The following FER1L5 variants were observed in gnomAD, a reference collection of about 807,000 sequenced individuals.
FER1L5 encodes the protein fer-1-like protein 5.
A neutral mutation model predicts 279.9 loss-of-function variants in FER1L5; 187 were observed. The observed-to-expected ratio is 0.67, with a 90% CI of 0.59 to 0.75. FER1L5 has a LOEUF of 0.75. Among genes scored for constraint, FER1L5 ranks in the 30% least tolerant of loss-of-function variants. The pLI, the probability that FER1L5 is intolerant of heterozygous loss-of-function variation, is 0.00. For synonymous variants in FER1L5, 921 were observed against 989.7 expected, an observed-to-expected ratio of 0.93 and a Z score of 1.30; for missense variants, 2,091 against 2,594.4, an observed-to-expected ratio of 0.81 and a Z score of 4.21.
intron 45 of FER1L5, 42 bp downstream of exon 45, chr2:96,700,513 G>C (rs764949094): frequency 4.4e-6 from 7 of 1,608,758 alleles, no homozygotes; most frequent in Non-Finnish European, 5.9e-6. Context: ...TACAGGAGGA[G>C]CTAGATCAGG....
rs1224558536 is a variant in FER1L5, at chr2:96,687,842, T to C, written c.2256T>C (p.Asp752=). 5 of 1,551,202 alleles carry C rather than the reference T, an allele frequency of 3.2e-6. No homozygotes were observed. The highest frequency in any genetic ancestry group is 4.4e-6 in the Non-Finnish European group (5 of 1,146,950). The change falls in exon 24 of 53, where the codon GAT becomes GAC. Residue 752 remains aspartate (D), a synonymous_variant. Coordinates refer to ENST00000624922, the MANE Select transcript of FER1L5 (RefSeq NM_001293083.2). Reference sequence around the variant, plus strand: ...ACCCAGAGGGTGAAGGACAGAAGGATGTGCTCCCAGCTCACCTCCGGGTCT... The same window carrying C: ...ACCCAGAGGGTGAAGGACAGAAGGACGTGCTCCCAGCTCACCTCCGGGTCT... The part of the protein sequence containing the change: ...LQYPEGEGQK[D]VLPAHLRVCM...
intron 9 of FER1L5, among the ~76,000 whole-genome samples, chr2:96,658,163 C>A (rs2075674248): frequency 6.6e-6 from 1 of 151,528 alleles, no homozygotes; most frequent in Non-Finnish European, 1.5e-5. Flanking sequence ...ATTACAGGCA[C>A]CTGCTACTAC....
intron 19 of FER1L5, among the ~76,000 whole-genome samples, chr2:96,679,957 A>G (rs2076657406): frequency 6.6e-6 from 1 of 151,976 alleles, no homozygotes; most frequent in Non-Finnish European, 1.5e-5. Flanking sequence ...ACATTGCCTC[A>G]TAAGCTCCTG....
chr2:96,661,809 G>A lies in FER1L5; in HGVS notation c.1018+18G>A. On this transcript the variant is annotated intron_variant, in intron 12 of 52. Coordinates refer to ENST00000624922, the MANE Select transcript of FER1L5 (RefSeq NM_001293083.2). Reference sequence around the variant, plus strand: ...TCACCTCAGTTAGAGTCTGGGTGCAGGGGAGGGAGCAGCCCTGAGATTCCC... The same window carrying A: ...TCACCTCAGTTAGAGTCTGGGTGCAAGGGAGGGAGCAGCCCTGAGATTCCC... 1 of 1,551,276 alleles carries A rather than the reference G, an allele frequency of 6.4e-7. No individual in the cohort carries two copies. Among genetic ancestry groups the A allele is most frequent in the Non-Finnish European group, 8.7e-7 (1 of 1,146,894 alleles).
chr2:96,703,186 T>G lies in FER1L5; in HGVS notation c.5531T>G (p.Leu1844Arg), dbSNP rs2077655154. The G allele has an allele frequency of 6.2e-7, 1 of 1,613,234 alleles. No individual in the cohort carries two copies. Among genetic ancestry groups the G allele is most frequent in the Admixed American group, 1.7e-5 (1 of 59,954 alleles). ...GAGCTGGATTTGTCTGACATGCCCC[T>G]CCCGGCTCGGCACGCCAAGCAGTGC... Reference protein sequence around the residue: ...VLELDLSDMPLPARHAKQCSI... With the variant: ...VLELDLSDMPRPARHAKQCSI... The change falls in exon 50 of 53, where the codon CTC (leucine) becomes CGC (arginine). Residue 1844 changes from leucine (L) to arginine (R), a missense_variant. Transcript: ENST00000624922.
intron 14 of FER1L5, 133 bp from the exon 15 acceptor site, chr2:96,668,615 TATG>T: frequency 6.0e-6 from 6 of 998,796 alleles, no homozygotes; most frequent in Non-Finnish European, 9.1e-6. Flanking sequence ...CCAGCTTTTC[TATG>T]ATGAAGTGGC....
chr2:96,661,281 A>G (rs2075944424), intron 10 of FER1L5, 44 bp from the exon 11 acceptor site: 4 of 1,362,612 alleles, frequency 2.9e-6, no homozygotes, highest in Non-Finnish European at 4.0e-6. Context: ...GGGAGAAGGA[A>G]GGAGGCTGCA....
Position 96,702,485 on chromosome 2 carries a change from G to A in FER1L5, c.5255+84G>A. The A allele has an allele frequency of 6.4e-7, 1 of 1,552,908 alleles. No homozygotes were observed. Among genetic ancestry groups the A allele is most frequent in the East Asian group, 2.4e-5 (1 of 41,182 alleles). On this transcript the variant is annotated intron_variant, in intron 47 of 52. Transcript: ENST00000624922. This position sits in a 1 kb window ranked among gnomAD's most constrained non-coding sequence, Gnocchi z 4.0. ...GCTGGCACGGCCCAGTCCTGAATGG[G>A]ACACCTCTCCATCCAGCTCTGCCTG...
Position 96,661,315 on chromosome 2 carries a change from G to A in FER1L5, c.779-10G>A. The A allele has an allele frequency of 6.6e-7, 1 of 1,517,972 alleles. No homozygotes were observed. The highest frequency in any genetic ancestry group is 8.9e-7 in the Non-Finnish European group (1 of 1,129,274). The allele number at this position is 1,517,972 out of a possible 1,614,324, so 94.0% of individuals were successfully genotyped here. ...CAGGCAGATCTCCCATGGCCTTTCT[G>A]CCTCTCTAGGTCACACACTCCTAAG... On this transcript the variant is annotated splice_polypyrimidine_tract_variant and intron_variant, in intron 10 of 52. Coordinates refer to ENST00000624922, the MANE Select transcript of FER1L5 (RefSeq NM_001293083.2).
At position 96,669,116 on chromosome 2, in the gene FER1L5, C is replaced by A. The variant is rs909464423; in HGVS notation, c.1341C>A (p.Phe447Leu). The part of the protein sequence containing the change: ...LTLHGGKKAP[F>L]RIQEEGACIP... ...TGCATGGGGGTAAAAAGGCCCCTTT[C>A]AGGATCCAGGAAGAAGGCGCTGTAA... The change falls in exon 17 of 53, where the codon TTC (phenylalanine) becomes TTA (leucine). Residue 447 changes from phenylalanine (F) to leucine (L), a missense_variant. Phe to Leu is a conservative substitution (Grantham distance 22, BLOSUM62 0). Transcript: ENST00000624922. 54 of 1,551,596 alleles carry A rather than the reference C, an allele frequency of 3.5e-5. No homozygotes were observed. The highest frequency in any genetic ancestry group is 4.4e-5 in the Non-Finnish European group (50 of 1,147,004).
At chr2:96,680,391 C>T (rs556271605) in intron 19 of FER1L5, among the ~76,000 whole-genome samples, 3 of 152,038 alleles carry the variant, frequency 2.0e-5, no homozygotes, top group Admixed American at 2.0e-4. Flanking sequence ...TTACCTCTTC[C>T]CCACTGTATC....
Position 96,698,434 on chromosome 2 carries a change from G to C in FER1L5, c.4357-237G>C, listed in dbSNP as rs143253130. ...AGATGGGGTGGAATGAGTCCACAGCGGCACAGACGGGGAACTCACCTACTG... is the reference window on the plus strand; with the variant it reads ...AGATGGGGTGGAATGAGTCCACAGCCGCACAGACGGGGAACTCACCTACTG... On this transcript the variant is annotated intron_variant, in intron 40 of 52. Coordinates refer to ENST00000624922, the MANE Select transcript of FER1L5 (RefSeq NM_001293083.2). This position sits in a 1 kb window ranked among gnomAD's most constrained non-coding sequence, Gnocchi z 5.5. 6.6e-6 allele frequency among the ~76,000 whole-genome samples: 1 copy of C among 152,054 alleles called. No individual in the cohort carries two copies. The highest frequency in any genetic ancestry group is 1.5e-5 in the Non-Finnish European group (1 of 68,004).
At chr2:96,681,844 C>T (rs368775238) in intron 19 of FER1L5, among the ~76,000 whole-genome samples, 8 of 152,034 alleles carry the variant, frequency 5.3e-5, no homozygotes, top group African/African-American at 1.9e-4. Context: ...GGCTGGAGTG[C>T]AGTGGCGTTA....
chr2:96,654,898 CA>C (rs761973265), intron 9 of FER1L5: 161 of 53,184 alleles, frequency 3.0e-3, no homozygotes, highest in Admixed American at 4.8e-3. Context: ...GACTCCATCT[CA>C]AAAAAAAAAA....
At chr2:96,682,774 T>C (rs758748917) in intron 19 of FER1L5, among the ~76,000 whole-genome samples, 74 of 152,236 alleles carry the variant, frequency 4.9e-4, no homozygotes, top group African/African-American at 9.1e-4. Context: ...GGCATGATCA[T>C]GGCTCATTGT....
In FER1L5 at chr2:96,693,430, TGG is replaced by T. The variant is rs1188558134; in HGVS notation, c.3293-75_3293-74del. Reference sequence around the variant, plus strand: ...CCCTCCTGGGCCCCACTGGGTCCAGTGGCTGCAGCAGCAGAGGAGAGGAAAGC... The same window carrying T: ...CCCTCCTGGGCCCCACTGGGTCCAGTCTGCAGCAGCAGAGGAGAGGAAAGC... On this transcript the variant is annotated intron_variant, in intron 31 of 52. Coordinates refer to ENST00000624922, the MANE Select transcript of FER1L5 (RefSeq NM_001293083.2). The T allele has an allele frequency of 7.7e-6, 11 of 1,422,184 alleles. No individual in the cohort carries two copies. In the East Asian group the frequency reaches 2.8e-4, roughly 36 times the overall value. The allele number at this position is 1,422,184 out of a possible 1,614,324, so 88.1% of individuals were successfully genotyped here. A position where few individuals can be genotyped will look rare whatever the true frequency, so the allele number is the denominator to read the frequency against.
intron 3 of FER1L5, among the ~76,000 whole-genome samples, chr2:96,647,574 C>T (rs1421052474): frequency 6.6e-6 from 1 of 152,196 alleles, no homozygotes; most frequent in Non-Finnish European, 1.5e-5. Flanking sequence ...CTGTTACTTG[C>T]CTCGGAGCCC....
intron 1 of FER1L5, among the ~76,000 whole-genome samples, chr2:96,644,425 T>G (rs1573749286): frequency 1.3e-5 from 2 of 151,298 alleles, no homozygotes; most frequent in East Asian, 3.9e-4. Context: ...GAGGTTGCAA[T>G]GAGCCAAGAT....
In FER1L5 at chr2:96,704,712, T is replaced by C; in HGVS notation, c.*20T>C. 5.6e-6 allele frequency: 9 copies of C among 1,602,144 alleles called. No homozygotes were observed. Among genetic ancestry groups the C allele is most frequent in the Non-Finnish European group, 6.0e-6 (7 of 1,169,470 alleles). ...GACTAATTAGTCCATGCTGCCTGGCTTTCCTCCTGCTACCAACAGCCCTCC... is the reference window on the plus strand; with the variant it reads ...GACTAATTAGTCCATGCTGCCTGGCCTTCCTCCTGCTACCAACAGCCCTCC... On this transcript the variant is annotated 3_prime_UTR_variant, in exon 53 of 53. Transcript: ENST00000624922.
Sources: allele counts gnomAD v4.1 joint callset (sites outside exome capture counted in the v4.1 genomes callset), GRCh38; gene constraint gnomAD v4.1.1; non-coding constraint Gnocchi (gnomAD v3.1); transcripts MANE v1.5; gene names NCBI Gene and HGNC (gene_info 2026-07-23, HGNC 2026-07-21).